C18orf63: variants seen among roughly 807,000 people sequenced by gnomAD.
C18orf63 encodes the protein chromosome 18 open reading frame 63, also known as uncharacterized protein C18orf63.
A neutral mutation model predicts 75.3 loss-of-function variants in C18orf63; 50 were observed. The ratio of observed to expected loss-of-function variants is 0.66; its 90% confidence interval spans 0.53 to 0.84. The LOEUF is 0.84. Ranked by LOEUF, C18orf63 falls within the 40% of genes least tolerant of loss-of-function variation. The pLI is 0.00. For missense variants in C18orf63, 732 were observed against 800.2 expected, an observed-to-expected ratio of 0.91 and a Z score of 1.03; for synonymous variants, 232 against 267.6, an observed-to-expected ratio of 0.87 and a Z score of 1.30.
rs559662236 is a variant in C18orf63, at chr18:74,356,887, C to G, written c.*440C>G. The G allele has an allele frequency of 1.3e-5, 2 of 152,176 alleles. No individual in the cohort carries two copies. The highest frequency in any genetic ancestry group is 4.1e-4 in the South Asian group (2 of 4,822). 9.4% of individuals were successfully genotyped at this position (152,176 alleles called of 1,614,324 possible). A position where few individuals can be genotyped will look rare whatever the true frequency, so the allele number is the denominator to read the frequency against. Reference sequence around the variant, plus strand: ...TATTAATATTTTGCCACTGTTTCATCTGTTCCTCACAGACATGCTTTTTTT... The same window carrying G: ...TATTAATATTTTGCCACTGTTTCATGTGTTCCTCACAGACATGCTTTTTTT... On this transcript the variant is annotated 3_prime_UTR_variant, in exon 14 of 14. Transcript: ENST00000579455.
chr18:74,334,707 C>T (rs1474007135), intron 7 of C18orf63, among the ~76,000 whole-genome samples: 1 of 151,908 alleles, frequency 6.6e-6, no homozygotes, highest in African/African-American at 2.4e-5. Context: ...GTTTCTCTTC[C>T]CTCCAGTTTA....
chr18:74,335,027 C>A lies in C18orf63; in HGVS notation c.502-3688C>A, dbSNP rs143524495. Among the ~76,000 whole-genome samples the A allele has an allele frequency of 5.1e-3, 784 of 152,278 alleles. 8 individuals carry two copies. Among genetic ancestry groups the A allele is most frequent in the African/African-American group, 0.017 (705 of 41,568 alleles). ...ACCCCTTTGAAGAATTCCCCAGCTC[C>A]TAAGTCTCATCTCTCTTGGTGCTCT... On this transcript the variant is annotated intron_variant, in intron 7 of 13. Coordinates refer to ENST00000579455, the MANE Select transcript of C18orf63 (RefSeq NM_001174123.2).
chr18:74,351,668 G>T (rs765251439), intron 11 of C18orf63, among the ~76,000 whole-genome samples: 4 of 152,070 alleles, frequency 2.6e-5, no homozygotes, highest in Non-Finnish European at 5.9e-5. Flanking sequence ...AATTATTATT[G>T]GTTTTAAGCA....
In C18orf63 at chr18:74,326,321, A is replaced by G. The variant is rs191686467; in HGVS notation, c.271-1626A>G. Among the ~76,000 whole-genome samples, 33 of 152,316 alleles carry G rather than the reference A, an allele frequency of 2.2e-4. No individual in the cohort carries two copies. The East Asian group carries it at 5.0e-3, about 23-fold the overall frequency. On this transcript the variant is annotated intron_variant, in intron 4 of 13. Transcript: ENST00000579455. ...TTCCTCGGCTTTCTCATGCTTCTGC[A>G]TGTCCTTTTTCACAGAGGCAAAGCC...
chr18:74,333,581 ATCAGATC>A (rs1984344170), intron 7 of C18orf63, among the ~76,000 whole-genome samples: 1 of 152,208 alleles, frequency 6.6e-6, no homozygotes, highest in East Asian at 1.9e-4. Context: ...TTATAAAACC[ATCAGATC>A]TCGTGAGAAC....
At chr18:74,340,017 C>T (rs866905752) in intron 8 of C18orf63, among the ~76,000 whole-genome samples, 2 of 152,098 alleles carry the variant, frequency 1.3e-5, no homozygotes, top group African/African-American at 4.8e-5. Context: ...GTGGTTACAT[C>T]ACTGAAAAGC....
rs1984769129 is a variant in C18orf63 at position 74,356,573 on chromosome 18, C to T, written c.*126C>T. 1 of 152,598 alleles carries T rather than the reference C, an allele frequency of 6.6e-6. No homozygotes were observed. Among genetic ancestry groups the T allele is most frequent in the African/African-American group, 2.4e-5 (1 of 41,434 alleles). 9.5% of individuals were successfully genotyped at this position (152,598 alleles called of 1,614,324 possible). On this transcript the variant is annotated 3_prime_UTR_variant, in exon 14 of 14. Transcript: ENST00000579455. ...TCAGCTCTACTTACTGCTGTGGAAC[C>T]TCCTTTTTCACTTGACAGTTTCTTT...
Position 74,342,066 on chromosome 18 carries a change from G to A in C18orf63, c.646G>A (p.Ala216Thr). ...GGGACAAATTATAAATATTTTTCATGCCATCCCCGCTGCCTGTCCTTTTCA... is the reference window on the plus strand; with the variant it reads ...GGGACAAATTATAAATATTTTTCATACCATCCCCGCTGCCTGTCCTTTTCA... ...KMGQIINIFH[A>T]IPAACPFHSY... Residue 216 changes from alanine (A) to threonine (T), a missense_variant, in exon 9 of 14, where the codon GCC (alanine) becomes ACC (threonine). Ala to Thr is a moderately conservative substitution (Grantham distance 58). Transcript: ENST00000579455. 6.6e-7 allele frequency: 1 copy of A among 1,526,556 alleles called. No homozygotes were observed. The highest frequency in any genetic ancestry group is 2.5e-5 in the East Asian group (1 of 40,762). The allele number at this position is 1,526,556 out of a possible 1,614,324, so 94.6% of individuals were successfully genotyped here.
chr18:74,341,101 A>G (rs1015004769), intron 8 of C18orf63, among the ~76,000 whole-genome samples: 4 of 151,438 alleles, frequency 2.6e-5, no homozygotes, highest in African/African-American at 4.9e-5. Context: ...CGTCTCTACT[A>G]AAAATACAAA....
chr18:74,317,991 GAT>G lies in C18orf63; in HGVS notation c.127_128del (p.Met43ValfsTer33). On this transcript the variant is annotated frameshift_variant, in exon 2 of 14. Coordinates refer to ENST00000579455, the MANE Select transcript of C18orf63 (RefSeq NM_001174123.2). LOFTEE classifies it high-confidence loss of function. The stretch of plus-strand genomic sequence containing the variant: ...CTGAGATTAGGACTATACAAATGAA[GAT>G]GTGCAGGTAAAAAAATACATCTTAT... ...DTEIRTIQMK[M>X]CRQLLFLHQD... is the part of the protein sequence containing the mutation. 3 of 1,490,022 alleles carry G rather than the reference GAT, an allele frequency of 2.0e-6. No homozygotes were observed. The highest frequency in any genetic ancestry group is 2.7e-6 in the Non-Finnish European group (3 of 1,122,216). The allele number at this position is 1,490,022 out of a possible 1,614,324, so 92.3% of individuals were successfully genotyped here. A position where few individuals can be genotyped will look rare whatever the true frequency, so the allele number is the denominator to read the frequency against.
intron 11 of C18orf63, 101 bp from the exon 12 acceptor site, chr18:74,353,145 T>C: frequency 1.2e-6 from 1 of 813,002 alleles, no homozygotes; most frequent in Non-Finnish European, 1.9e-6. Context: ...ATCATAGTGT[T>C]GCTTTATATT....
chr18:74,318,696 A>T (rs181519007), intron 2 of C18orf63, among the ~76,000 whole-genome samples: 1 of 152,114 alleles, frequency 6.6e-6, no homozygotes, highest in Admixed American at 6.5e-5. Context: ...AGGCTGAGAC[A>T]GGAGAATCGT....
Position 74,317,862 on chromosome 18 carries a change from A to G in C18orf63, c.-4A>G. ...TGATTGCTGAGACACTCAGTCAGGAAAGTATGAATGATTCTAGGCAGCAGT... is the reference window on the plus strand; with the variant it reads ...TGATTGCTGAGACACTCAGTCAGGAGAGTATGAATGATTCTAGGCAGCAGT... On this transcript the variant is annotated 5_prime_UTR_variant, in exon 2 of 14. Coordinates refer to ENST00000579455, the MANE Select transcript of C18orf63 (RefSeq NM_001174123.2). 6.6e-7 allele frequency: 1 copy of G among 1,522,310 alleles called. No homozygotes were observed. 94.3% of individuals were successfully genotyped at this position (1,522,310 alleles called of 1,614,324 possible). A position where few individuals can be genotyped will look rare whatever the true frequency, so the allele number is the denominator to read the frequency against.
At chr18:74,335,833 G>A (rs978746856) in intron 7 of C18orf63, among the ~76,000 whole-genome samples, 2 of 152,020 alleles carry the variant, frequency 1.3e-5, no homozygotes, top group Non-Finnish European at 2.9e-5. Flanking sequence ...CCAGAAGAAG[G>A]GAACATTTAC....
intron 4 of C18orf63, among the ~76,000 whole-genome samples, chr18:74,324,465 C>G (rs985827217): frequency 3.3e-5 from 5 of 152,066 alleles, no homozygotes. Flanking sequence ...TTATTTATAT[C>G]AGCGTATAGT....
intron 7 of C18orf63, among the ~76,000 whole-genome samples, chr18:74,334,851 A>T (rs1378734368): frequency 6.6e-6 from 1 of 152,164 alleles, no homozygotes; most frequent in African/African-American, 2.4e-5. Flanking sequence ...TTATAGCCTC[A>T]TCTCCCATTA....
chr18:74,337,816 A>G (rs764059823), intron 7 of C18orf63, among the ~76,000 whole-genome samples: 2 of 152,126 alleles, frequency 1.3e-5, no homozygotes, highest in Non-Finnish European at 2.9e-5. Flanking sequence ...AATGAATGAC[A>G]TAGGAACTCA....
intron 11 of C18orf63, among the ~76,000 whole-genome samples, chr18:74,345,579 C>A (rs1984561068): frequency 6.6e-6 from 1 of 152,030 alleles, no homozygotes; most frequent in Admixed American, 6.6e-5. Flanking sequence ...AGTCAGATTT[C>A]TTTAATATGG....
chr18:74,322,392 A>G (rs1289655658), intron 3 of C18orf63, among the ~76,000 whole-genome samples: 1 of 152,178 alleles, frequency 6.6e-6, no homozygotes, highest in Non-Finnish European at 1.5e-5. Flanking sequence ...TTCCTTATTC[A>G]TGCCTAAGAA....
Sources: gnomAD v4.1 joint callset for allele counts (sites outside exome capture counted in the v4.1 genomes callset) on GRCh38, gnomAD v4.1.1 for gene constraint, MANE v1.5 for transcripts, NCBI Gene and HGNC (gene_info 2026-07-23, HGNC 2026-07-21) for gene names.